Variants in FGF10 observed in about 807,000 individuals in gnomAD.
The protein encoded by FGF10 is FGF-10.
Under a neutral mutation model 19.8 loss-of-function variants are expected in FGF10, and 2 were observed. That is an observed-to-expected ratio of 0.10 (90% CI 0.04 to 0.32). The LOEUF (loss-of-function observed/expected upper bound fraction) is 0.32, where lower values mean the gene tolerates loss of function less well. Among genes scored for constraint, FGF10 ranks in the 10% least tolerant of loss-of-function variants. The pLI is 1.00. For missense variants in FGF10, 191 were observed against 246.3 expected, an observed-to-expected ratio of 0.78 and a Z score of 1.50; for synonymous variants, 112 against 94.0, an observed-to-expected ratio of 1.19 and a Z score of -1.10.
intron 1 of FGF10, among the ~76,000 whole-genome samples, chr5:44,360,372 C>G (rs890425774): frequency 3.3e-5 from 5 of 151,466 alleles, no homozygotes; most frequent in Non-Finnish European, 7.4e-5. Flanking sequence ...TTTTGATATG[C>G]CCATTTAGTT....
rs577517362 is a variant in FGF10 at position 44,301,578 on chromosome 5, C to T, written c.*3417G>A. ...CTTCCATTGTTTCATAAGCCATCCT[C>T]GTTTCCAATTCATTTTTCTTTATCC... is the stretch of plus-strand genomic sequence containing the variant. On this transcript the variant is annotated 3_prime_UTR_variant, in exon 3 of 3. Coordinates refer to ENST00000264664, the MANE Select transcript of FGF10 (RefSeq NM_004465.2). Among the ~76,000 whole-genome samples the T allele has an allele frequency of 1.1e-4, 17 of 152,298 alleles. 3 individuals carry two copies. In the South Asian group the frequency reaches 3.1e-3, roughly 28 times the overall value.
At chr5:44,366,424 G>T (rs1006217958) in intron 1 of FGF10, among the ~76,000 whole-genome samples, 4 of 151,844 alleles carry the variant, frequency 2.6e-5, no homozygotes, top group African/African-American at 9.7e-5. Context: ...TTGCTTCTTA[G>T]TTTCATGTTT....
At chr5:44,386,772 T>A (rs1168162503) in intron 1 of FGF10, among the ~76,000 whole-genome samples, 1 of 152,190 alleles carries the variant, frequency 6.6e-6, no homozygotes, top group East Asian at 1.9e-4. Flanking sequence ...TATAAACATA[T>A]TGTGAATTTT....
chr5:44,377,016 C>A (rs1207931408), intron 1 of FGF10, among the ~76,000 whole-genome samples: 4 of 152,180 alleles, frequency 2.6e-5, no homozygotes, highest in African/African-American at 9.7e-5. Flanking sequence ...TTCTACTGTA[C>A]TTTGCTTTGT....
chr5:44,361,077 T>C (rs1317121298), intron 1 of FGF10, among the ~76,000 whole-genome samples: 1 of 151,746 alleles, frequency 6.6e-6, no homozygotes, highest in Non-Finnish European at 1.5e-5. Flanking sequence ...AAAGGTACTC[T>C]GTATACTTAA....
At chr5:44,386,302 T>G (rs1003718735) in intron 1 of FGF10, among the ~76,000 whole-genome samples, 3 of 152,166 alleles carry the variant, frequency 2.0e-5, no homozygotes, top group African/African-American at 7.2e-5. Flanking sequence ...AGTCATATCA[T>G]AAAGACATTT....
chr5:44,369,342 C>T (rs535767406), intron 1 of FGF10, among the ~76,000 whole-genome samples: 14 of 152,134 alleles, frequency 9.2e-5, no homozygotes, highest in African/African-American at 2.9e-4. Context: ...TATAGAATCT[C>T]GTCAATATTC....
At chr5:44,346,718 G>A (rs78122666) in intron 1 of FGF10, among the ~76,000 whole-genome samples, 112 of 151,962 alleles carry the variant, frequency 7.4e-4, no homozygotes, top group African/African-American at 2.6e-3. Context: ...CGGTCTCAAA[G>A]TAGCTCCATC....
At chr5:44,372,958 C>T (rs11750845) in intron 1 of FGF10, among the ~76,000 whole-genome samples, 58,847 of 152,098 alleles carry the variant, frequency 0.39, 13,757 homozygotes, top group South Asian at 0.56. Context: ...AGGCTCTGCA[C>T]TCATGGTGAT....
intron 1 of FGF10, among the ~76,000 whole-genome samples, chr5:44,315,969 G>A (rs953118305): frequency 6.6e-6 from 1 of 152,128 alleles, no homozygotes; most frequent in African/African-American, 2.4e-5. Flanking sequence ...GACCAATATT[G>A]GAACTGGGCC....
chr5:44,381,640 C>T (rs1354735488), intron 1 of FGF10, among the ~76,000 whole-genome samples: 2 of 152,132 alleles, frequency 1.3e-5, no homozygotes, highest in Non-Finnish European at 2.9e-5. Flanking sequence ...ACTCTATGAA[C>T]ATGTCAAGTT....
intron 1 of FGF10, among the ~76,000 whole-genome samples, chr5:44,348,529 A>G (rs1038750134): frequency 6.6e-6 from 1 of 151,492 alleles, no homozygotes; most frequent in Non-Finnish European, 1.5e-5. Flanking sequence ...AGTTCAGTGC[A>G]AGTTTCTATC....
chr5:44,374,545 C>T (rs1460141186), intron 1 of FGF10, among the ~76,000 whole-genome samples: 4 of 152,118 alleles, frequency 2.6e-5, no homozygotes, highest in African/African-American at 4.8e-5. Flanking sequence ...TCAATACACT[C>T]ATATTATAGA....
intron 1 of FGF10, among the ~76,000 whole-genome samples, chr5:44,315,216 A>C (rs999177964): frequency 1.3e-5 from 2 of 151,908 alleles, no homozygotes; most frequent in African/African-American, 4.8e-5. Context: ...AAAATATATT[A>C]AGTGTGGTAT....
At chr5:44,347,771 C>A (rs1741120729) in intron 1 of FGF10, among the ~76,000 whole-genome samples, 1 of 151,680 alleles carries the variant, frequency 6.6e-6, no homozygotes, top group African/African-American at 2.4e-5. Flanking sequence ...TCATCTCATG[C>A]CCTTATAGTA....
At chr5:44,347,752 T>C (rs1458705493) in intron 1 of FGF10, among the ~76,000 whole-genome samples, 1 of 151,770 alleles carries the variant, frequency 6.6e-6, no homozygotes, top group East Asian at 1.9e-4. Context: ...CAATACTTGC[T>C]AATTAAACTC....
rs11307970 is a variant in FGF10 at position 44,357,118 on chromosome 5, TAA to T, written c.325+31238_325+31239del. On this transcript the variant is annotated intron_variant, in intron 1 of 2. Transcript: ENST00000264664. ...TACCTCCAATTTCCTAAGATTTTCA[TAA>T]AAAAAAAACAACATTCTAATGTAAT... is the stretch of plus-strand genomic sequence containing the variant. Among the ~76,000 whole-genome samples the T allele has an allele frequency of 1.8e-3, 268 of 150,008 alleles. 3 individuals are homozygous for T. The highest frequency in any genetic ancestry group is 6.0e-3 in the African/African-American group (247 of 41,018).
intron 1 of FGF10, among the ~76,000 whole-genome samples, chr5:44,335,106 T>C (rs1440281595): frequency 6.6e-6 from 1 of 152,126 alleles, no homozygotes; most frequent in Non-Finnish European, 1.5e-5. Flanking sequence ...CAGGAACATA[T>C]AAATCTGAAT....
intron 1 of FGF10, among the ~76,000 whole-genome samples, chr5:44,370,257 A>G (rs1378041231): frequency 3.9e-5 from 6 of 152,150 alleles, no homozygotes; most frequent in African/African-American, 1.4e-4. Context: ...TAGGTAGGGT[A>G]TGGATCTCAA....
Sources: gnomAD v4.1 joint callset for allele counts (sites outside exome capture counted in the v4.1 genomes callset) on GRCh38, gnomAD v4.1.1 for gene constraint, MANE v1.5 for transcripts, NCBI Gene and HGNC (gene_info 2026-07-23, HGNC 2026-07-21) for gene names.